The following RNF122 variants were observed in gnomAD, a reference collection of about 807,000 sequenced individuals.
The protein encoded by RNF122 is ring finger protein 122.
A neutral mutation model predicts 24.2 loss-of-function variants in RNF122; 17 were observed. That is an observed-to-expected ratio of 0.70 (90% CI 0.48 to 1.06). The LOEUF (loss-of-function observed/expected upper bound fraction) is 1.06, where lower values mean the gene tolerates loss of function less well. Among genes scored for constraint, RNF122 ranks in the 50% least tolerant of loss-of-function variants. The pLI, the probability that RNF122 is intolerant of heterozygous loss-of-function variation, is 0.00. For synonymous variants in RNF122, 65 were observed against 71.8 expected (o/e 0.91, Z 0.48); for missense variants, 168 against 198.1 (o/e 0.85, Z 0.91).
intron 1 of RNF122, among the ~76,000 whole-genome samples, chr8:33,560,496 C>A (rs576931702): frequency 6.6e-6 from 1 of 152,166 alleles, no homozygotes; most frequent in East Asian, 1.9e-4. Flanking sequence ...TGCCTCAGCC[C>A]CACAAAGGGC....
At chr8:33,551,444 C>A in intron 2 of RNF122, 55 bp from the exon 3 acceptor site, 1 of 1,592,400 alleles carries the variant, frequency 6.3e-7, no homozygotes, top group South Asian at 1.1e-5. Flanking sequence ...CAATTCAAAG[C>A]AGGAGAGGCT....
At chr8:33,566,267 G>T (rs1810621779) in intron 1 of RNF122, among the ~76,000 whole-genome samples, 1 of 152,134 alleles carries the variant, frequency 6.6e-6, no homozygotes, top group Admixed American at 6.5e-5. Context: ...ACGCTGCACG[G>T]TATACATATT....
intron 1 of RNF122, among the ~76,000 whole-genome samples, chr8:33,559,216 G>C (rs1304002305): frequency 6.6e-6 from 1 of 152,052 alleles, no homozygotes; most frequent in Non-Finnish European, 1.5e-5. Context: ...TGAGGTGGGA[G>C]GATCACTTGA....
intron 2 of RNF122, among the ~76,000 whole-genome samples, chr8:33,557,001 C>T (rs976647961): frequency 6.6e-6 from 1 of 152,222 alleles, no homozygotes; most frequent in African/African-American, 2.4e-5. Context: ...CACTCAAACC[C>T]AGAAGGGCAT....
At chr8:33,561,567 G>C (rs1372998804) in intron 1 of RNF122, among the ~76,000 whole-genome samples, 2 of 150,516 alleles carry the variant, frequency 1.3e-5, no homozygotes, top group African/African-American at 4.9e-5. Context: ...TTTTTAGACA[G>C]TCTTGCATTG....
At position 33,567,106 on chromosome 8, in the gene RNF122, C is replaced by T; in HGVS notation, c.-383G>A. On this transcript the variant is annotated 5_prime_UTR_variant, in exon 1 of 6. Transcript: ENST00000256257. ...TCGGGTTCAGCGGCGCAGAGGTGAG[C>T]TGGCTGGGGTTCCGAAACTGACACC... The T allele has an allele frequency of 3.4e-6, 1 of 290,890 alleles. No individual in the cohort carries two copies. The highest frequency in any genetic ancestry group is 3.1e-5 in the South Asian group (1 of 32,570). The allele number at this position is 290,890 out of a possible 1,614,324, so 18.0% of individuals were successfully genotyped here. A position where few individuals can be genotyped will look rare whatever the true frequency, so the allele number is the denominator to read the frequency against.
intron 2 of RNF122, among the ~76,000 whole-genome samples, chr8:33,557,772 C>T (rs930204254): frequency 5.3e-5 from 8 of 150,232 alleles, no homozygotes; most frequent in African/African-American, 2.0e-4. Flanking sequence ...CCTAAGCAAT[C>T]AAGAATAAAT....
At chr8:33,551,814 C>A (rs1031433552) in intron 2 of RNF122, among the ~76,000 whole-genome samples, 1 of 152,070 alleles carries the variant, frequency 6.6e-6, no homozygotes, top group Non-Finnish European at 1.5e-5. Flanking sequence ...CTCTGTTGAC[C>A]CTGGGGAATT....
chr8:33,549,334 A>G, intron 5 of RNF122, 76 bp downstream of exon 5: 1 of 1,186,286 alleles, frequency 8.4e-7, no homozygotes, highest in East Asian at 2.3e-5. Context: ...AGAAAGTGGC[A>G]GAGACTGGAA....
chr8:33,563,893 G>A (rs796715218), intron 1 of RNF122, among the ~76,000 whole-genome samples: 40 of 152,264 alleles, frequency 2.6e-4, no homozygotes, highest in African/African-American at 9.1e-4. Flanking sequence ...CCACAAGCAC[G>A]ATGGTCCCCG....
rs199534194 is a variant in RNF122 at position 33,558,611 on chromosome 8, G to A, written c.182+4C>T. 6.8e-4 allele frequency: 1,095 copies of A among 1,599,236 alleles called. 4 individuals are homozygous for A. Among genetic ancestry groups the A allele is most frequent in the Non-Finnish European group, 8.5e-4 (992 of 1,170,682 alleles). ...CCACCCCGGTCAGCCAGGGATCCAC[G>A]CACCTGATAAAATAGCAGCAGAAGA... On this transcript the variant is annotated splice_donor_region_variant and intron_variant, in intron 2 of 5. Transcript: ENST00000256257.
chr8:33,559,320 A>T (rs1436111560), intron 1 of RNF122, among the ~76,000 whole-genome samples: 1 of 24,370 alleles, frequency 4.1e-5, no homozygotes, highest in East Asian at 5.5e-4. Context: ...TTTAAAAATT[A>T]AAAAAAAAAA....
chr8:33,553,575 A>T (rs1016294961), intron 2 of RNF122, among the ~76,000 whole-genome samples: 13 of 151,948 alleles, frequency 8.6e-5, no homozygotes, highest in East Asian at 5.8e-4. Flanking sequence ...TGGCAAAAAA[A>T]TTTTTTTTAA....
At chr8:33,563,754 C>T (rs1810577435) in intron 1 of RNF122, among the ~76,000 whole-genome samples, 1 of 152,162 alleles carries the variant, frequency 6.6e-6, no homozygotes, top group Non-Finnish European at 1.5e-5. Context: ...TTTGATGTTA[C>T]AAGAGGGTCT....
At chr8:33,559,571 G>A (rs1397846833) in intron 1 of RNF122, among the ~76,000 whole-genome samples, 1 of 152,170 alleles carries the variant, frequency 6.6e-6, no homozygotes, top group Non-Finnish European at 1.5e-5. Context: ...AATTGCAAAG[G>A]TCATTTGTCA....
chr8:33,548,663 C>T lies in RNF122; in HGVS notation c.*90G>A, dbSNP rs769508303. ...ATCACTGGGAAAGTGATCGTCATCA[C>T]CCTACAGTCCTGTTGGTTGGAGCTG... On this transcript the variant is annotated 3_prime_UTR_variant, in exon 6 of 6. Coordinates refer to ENST00000256257, the MANE Select transcript of RNF122 (RefSeq NM_024787.3). The T allele has an allele frequency of 1.5e-5, 12 of 815,428 alleles. No individual in the cohort carries two copies. Among genetic ancestry groups the T allele is most frequent in the Non-Finnish European group, 2.3e-5 (11 of 468,698 alleles). The allele number at this position is 815,428 out of a possible 1,614,324, so 50.5% of individuals were successfully genotyped here.
intron 4 of RNF122, 134 bp from the exon 5 acceptor site, chr8:33,549,626 C>T (rs1007437279): frequency 2.6e-5 from 17 of 646,082 alleles, no homozygotes; most frequent in Middle Eastern, 5.1e-4. Flanking sequence ...CTTTACAAAA[C>T]TATATTGATG....
chr8:33,558,919 A>G lies in RNF122; in HGVS notation c.26-148T>C, dbSNP rs547734001. 2.9e-5 allele frequency: 15 copies of G among 517,520 alleles called. No homozygotes were observed. In the South Asian group the frequency reaches 6.2e-4, roughly 21 times the overall value. 32.1% of individuals were successfully genotyped at this position (517,520 alleles called of 1,614,324 possible). A position where few individuals can be genotyped will look rare whatever the true frequency, so the allele number is the denominator to read the frequency against. On this transcript the variant is annotated intron_variant, in intron 1 of 5. Coordinates refer to ENST00000256257, the MANE Select transcript of RNF122 (RefSeq NM_024787.3). Reference sequence around the variant, plus strand: ...TCCAGTTTTATATCCTAGTTCTAACATTTACTAGCTATGTAATCTTGAGTA... The same window carrying G: ...TCCAGTTTTATATCCTAGTTCTAACGTTTACTAGCTATGTAATCTTGAGTA...
Position 33,566,750 on chromosome 8 carries a change from G to A in RNF122, c.-27C>T, listed in dbSNP as rs1175753934. On this transcript the variant is annotated 5_prime_UTR_variant, in exon 1 of 6. Transcript: ENST00000256257. The stretch of plus-strand genomic sequence containing the variant: ...AATGAAGTCGCGGTTGGCTTCCTCG[G>A]GCGAACGGACGCAGGCGGGGTGCCA... 2 of 1,600,494 alleles carry A rather than the reference G, an allele frequency of 1.2e-6. No homozygotes were observed. Among genetic ancestry groups the A allele is most frequent in the African/African-American group, 2.7e-5 (2 of 74,798 alleles).
Sources: allele counts gnomAD v4.1 joint callset (sites outside exome capture counted in the v4.1 genomes callset), GRCh38; gene constraint gnomAD v4.1.1; transcripts MANE v1.5; gene names NCBI Gene and HGNC (gene_info 2026-07-23, HGNC 2026-07-21).